The following BAALC variants were observed in gnomAD, a reference collection of about 807,000 sequenced individuals.
The protein encoded by BAALC is BAALC binder of MAP3K1 and KLF4.
In BAALC, 9 loss-of-function variants were observed where a neutral mutation model predicts 15.5. That is an observed-to-expected ratio of 0.58 (90% CI 0.35 to 1.02). BAALC has a LOEUF of 1.02. Ranked by LOEUF, BAALC falls within the 50% of genes least tolerant of loss-of-function variation. The pLI is 0.02. For missense variants in BAALC, 201 were observed against 192.4 expected (o/e 1.04, Z -0.27); for synonymous variants, 80 against 74.6 (o/e 1.07, Z -0.37).
intron 1 of BAALC, among the ~76,000 whole-genome samples, chr8:103,187,611 T>C (rs2129991611): frequency 6.6e-6 from 1 of 152,334 alleles, no homozygotes; most frequent in East Asian, 1.9e-4. Flanking sequence ...GTTAATATTT[T>C]GGCAAACAGC....
chr8:103,222,925 T>A (rs1812711594), intron 2 of BAALC, among the ~76,000 whole-genome samples: 1 of 152,214 alleles, frequency 6.6e-6, no homozygotes, highest in South Asian at 2.1e-4. Context: ...ACAAATAAAA[T>A]TAATGTTAAT....
intron 1 of BAALC, among the ~76,000 whole-genome samples, chr8:103,155,751 C>A (rs1811077644): frequency 6.6e-6 from 1 of 152,178 alleles, no homozygotes; most frequent in Non-Finnish European, 1.5e-5. Context: ...CGTCCCACCC[C>A]AGGCACTTCT....
rs556801994 is a variant in BAALC, at chr8:103,230,185, A to G, written c.*2086A>G. On this transcript the variant is annotated 3_prime_UTR_variant, in exon 3 of 3. Coordinates refer to ENST00000309982, the MANE Select transcript of BAALC (RefSeq NM_024812.3). ...CAACCAGAAGTTAAACCATGTGACT[A>G]AAAATGCATCTGGCTACTTTTTCAT... 2 of 148,218 alleles carry G rather than the reference A, an allele frequency of 1.3e-5. No individual in the cohort carries two copies. The highest frequency in any genetic ancestry group is 5.0e-5 in the African/African-American group (2 of 40,174). The allele number at this position is 148,218 out of a possible 1,614,324, so 9.2% of individuals were successfully genotyped here.
chr8:103,178,597 G>C (rs1026196831), intron 1 of BAALC, among the ~76,000 whole-genome samples: 1 of 152,130 alleles, frequency 6.6e-6, no homozygotes, highest in African/African-American at 2.4e-5. Context: ...AGTGACTCAC[G>C]CCTGTAATCC....
At position 103,162,220 on chromosome 8, in the gene BAALC, C is replaced by A. The variant is rs118057733; in HGVS notation, c.160+21163C>A. ...GAAGCAATTCTCCCACCTTGGCCTCCGGAAGTGTTGGGATTACAGGAATGA... is the reference window on the plus strand; with the variant it reads ...GAAGCAATTCTCCCACCTTGGCCTCAGGAAGTGTTGGGATTACAGGAATGA... On this transcript the variant is annotated intron_variant, in intron 1 of 2. Coordinates refer to ENST00000309982, the MANE Select transcript of BAALC (RefSeq NM_024812.3). Among the ~76,000 whole-genome samples, 1,088 of 152,084 alleles carry A rather than the reference C, an allele frequency of 7.2e-3. 3 individuals are homozygous for A. The highest frequency in any genetic ancestry group is 0.011 in the Non-Finnish European group (739 of 67,990).
intron 1 of BAALC, among the ~76,000 whole-genome samples, chr8:103,146,416 T>A (rs2129856254): frequency 6.6e-6 from 1 of 152,340 alleles, no homozygotes; most frequent in African/African-American, 2.4e-5. Context: ...GACTTACCTG[T>A]TACCGCTTGT....
At chr8:103,213,283 G>C in intron 2 of BAALC, 198 bp downstream of exon 2, 1 of 560,690 alleles carries the variant, frequency 1.8e-6, no homozygotes, top group Non-Finnish European at 3.1e-6. Flanking sequence ...GCTGCTTTTT[G>C]TTTCCATGTG....
intron 2 of BAALC, among the ~76,000 whole-genome samples, chr8:103,225,851 A>G (rs115940968): frequency 0.018 from 2,674 of 152,218 alleles, 54 homozygotes; most frequent in African/African-American, 0.05. Flanking sequence ...TGGCAGAGTA[A>G]AGGGGATCTA....
intron 1 of BAALC, among the ~76,000 whole-genome samples, chr8:103,179,004 A>G (rs895859788): frequency 3.9e-5 from 6 of 152,220 alleles, no homozygotes; most frequent in African/African-American, 1.4e-4. Flanking sequence ...AACTAGTTAC[A>G]TCCTAAAGGA....
chr8:103,186,571 T>C (rs1231835970), intron 1 of BAALC, among the ~76,000 whole-genome samples: 1 of 152,172 alleles, frequency 6.6e-6, no homozygotes, highest in East Asian at 1.9e-4. Flanking sequence ...GAGACGATTT[T>C]TTGTCTGTCT....
chr8:103,146,255 G>A (rs1208141616), intron 1 of BAALC, among the ~76,000 whole-genome samples: 1 of 152,114 alleles, frequency 6.6e-6, no homozygotes, highest in Non-Finnish European at 1.5e-5. Context: ...AGAGGAAGGG[G>A]GACTGTCCGA....
At chr8:103,173,657 A>C (rs1318690340) in intron 1 of BAALC, among the ~76,000 whole-genome samples, 1 of 152,238 alleles carries the variant, frequency 6.6e-6, no homozygotes, top group Admixed American at 6.5e-5. Context: ...CTTGGTAAAG[A>C]AAAGTTTTTT....
In BAALC at chr8:103,156,737, G is replaced by A. The variant is rs115628430; in HGVS notation, c.160+15680G>A. On this transcript the variant is annotated intron_variant, in intron 1 of 2. Transcript: ENST00000309982. ...GTAATGCCAGAAATGAGGGTTTTTG[G>A]AAAGTCGCTGCATGTCTGCTTGGTT... 5.6e-3 allele frequency among the ~76,000 whole-genome samples: 860 copies of A among 152,298 alleles called. 10 individuals are homozygous for A. Among genetic ancestry groups the A allele is most frequent in the African/African-American group, 0.019 (804 of 41,550 alleles).
chr8:103,215,858 A>G (rs994216257), intron 2 of BAALC, among the ~76,000 whole-genome samples: 2 of 152,220 alleles, frequency 1.3e-5, no homozygotes, highest in Admixed American at 6.5e-5. Flanking sequence ...AAGAAATGCA[A>G]CTCATAACTT....
intron 2 of BAALC, among the ~76,000 whole-genome samples, chr8:103,222,736 C>G (rs894125822): frequency 3.3e-5 from 5 of 152,152 alleles, no homozygotes; most frequent in Non-Finnish European, 7.3e-5. Context: ...TTGTTTACGG[C>G]TTGGAACTTT....
intron 2 of BAALC, among the ~76,000 whole-genome samples, chr8:103,221,882 G>A (rs1812684675): frequency 6.6e-6 from 1 of 152,298 alleles, no homozygotes; most frequent in African/African-American, 2.4e-5. Context: ...CAGCCCTCAG[G>A]AGATCCTGAG....
chr8:103,160,808 G>A (rs1225313234), intron 1 of BAALC, among the ~76,000 whole-genome samples: 1 of 152,108 alleles, frequency 6.6e-6, no homozygotes, highest in East Asian at 1.9e-4. Context: ...GATGTAGGCT[G>A]GGAGGCTAGG....
intron 1 of BAALC, chr8:103,198,013 A>T (rs766747330): frequency 9.4e-6 from 6 of 637,646 alleles, no homozygotes; most frequent in Non-Finnish European, 1.4e-5. Flanking sequence ...CTCTGTGAGG[A>T]CTAACCATGC....
intron 1 of BAALC, chr8:103,166,066 G>C (rs1811338455): frequency 1.3e-5 from 2 of 152,612 alleles, no homozygotes; most frequent in South Asian, 4.1e-4. Flanking sequence ...CATTCAAGCA[G>C]GTTCTCCATT....
Sources: gnomAD v4.1 joint callset for allele counts (sites outside exome capture counted in the v4.1 genomes callset) on GRCh38, gnomAD v4.1.1 for gene constraint, MANE v1.5 for transcripts, NCBI Gene and HGNC (gene_info 2026-07-23, HGNC 2026-07-21) for gene names.